Variants in SHANK2 observed in about 807,000 individuals in gnomAD.
SHANK2 encodes SH3 and multiple ankyrin repeat domains protein 2.
In SHANK2, 43 loss-of-function variants were observed where a neutral mutation model predicts 133.7. The ratio of observed to expected loss-of-function variants is 0.32; its 90% CI spans 0.25 to 0.41. SHANK2 has a LOEUF of 0.41. Among genes scored for constraint, SHANK2 ranks in the 10% least tolerant of loss-of-function variants. The pLI, the probability that SHANK2 is intolerant of heterozygous loss-of-function variation, is 1.00. For missense variants in SHANK2, 1,994 were observed against 2,235.8 expected (o/e 0.89, Z 2.18); for synonymous variants, 1,017 against 952.8 (o/e 1.07, Z -1.24).
chr11:70,784,343 G>GATTT (rs1947591983), intron 14 of SHANK2, among the ~76,000 whole-genome samples: 1 of 42,846 alleles, frequency 2.3e-5, no homozygotes, highest in Admixed American at 4.7e-4. Context: ...ACACCGGCTA[G>GATTT]TTTTTTTTTT....
intron 17 of SHANK2, among the ~76,000 whole-genome samples, chr11:70,531,513 C>T (rs1554973216): frequency 6.6e-6 from 1 of 152,200 alleles, no homozygotes; most frequent in African/African-American, 2.4e-5. Flanking sequence ...GAGGGTGAGG[C>T]CCCAGGGAGG....
chr11:70,875,267 C>T (rs144866804), intron 11 of SHANK2, among the ~76,000 whole-genome samples: 48 of 152,118 alleles, frequency 3.2e-4, no homozygotes, highest in African/African-American at 1.1e-3. Flanking sequence ...GGGCAGACAG[C>T]GTCACTCACT....
chr11:70,891,502 AAAAAAC>A (rs782070439), intron 11 of SHANK2, among the ~76,000 whole-genome samples: 7 of 152,124 alleles, frequency 4.6e-5, no homozygotes, highest in African/African-American at 7.2e-5. Context: ...ACTCTGTCTT[AAAAAAC>A]AAAAACAAAA....
At chr11:70,851,093 C>A (rs942917755) in intron 11 of SHANK2, among the ~76,000 whole-genome samples, 3 of 152,150 alleles carry the variant, frequency 2.0e-5, no homozygotes, top group Non-Finnish European at 4.4e-5. Flanking sequence ...GGTGAGAATT[C>A]CTGAATCCTC....
chr11:71,159,211 G>A (rs1177057333), intron 2 of SHANK2, among the ~76,000 whole-genome samples: 1 of 152,152 alleles, frequency 6.6e-6, no homozygotes, highest in African/African-American at 2.4e-5. Context: ...AAGATTCTGG[G>A]GAACAATCCA....
intron 17 of SHANK2, among the ~76,000 whole-genome samples, chr11:70,576,677 C>A (rs1431044454): frequency 1.3e-5 from 2 of 152,164 alleles, no homozygotes; most frequent in African/African-American, 4.8e-5. Flanking sequence ...CACTCCCAGG[C>A]CTAACTCTGC....
chr11:70,600,275 C>T (rs549056744), intron 17 of SHANK2, among the ~76,000 whole-genome samples: 14 of 151,446 alleles, frequency 9.2e-5, no homozygotes, highest in East Asian at 3.9e-4. Flanking sequence ...AAAAATTAGC[C>T]GGGCGCGGTG....
chr11:70,612,821 C>A (rs563062862), intron 17 of SHANK2, among the ~76,000 whole-genome samples: 1 of 152,152 alleles, frequency 6.6e-6, no homozygotes, highest in Non-Finnish European at 1.5e-5. Flanking sequence ...ACTTTCCATA[C>A]GCAATATCAG....
chr11:71,210,405 C>T (rs941122029), intron 2 of SHANK2, among the ~76,000 whole-genome samples: 4 of 150,760 alleles, frequency 2.7e-5, no homozygotes, highest in Non-Finnish European at 4.4e-5. Context: ...CCCACCACCA[C>T]GCCCGGCTAA....
At chr11:70,691,261 CGAG>C (rs1555020978) in intron 15 of SHANK2, among the ~76,000 whole-genome samples, 1 of 151,744 alleles carries the variant, frequency 6.6e-6, no homozygotes, top group Non-Finnish European at 1.5e-5. Flanking sequence ...AGCAGGAGGA[CGAG>C]GAGAAGACAG....
chr11:71,103,974 C>T (rs888707663), intron 6 of SHANK2, among the ~76,000 whole-genome samples: 11 of 151,544 alleles, frequency 7.3e-5, no homozygotes, highest in African/African-American at 2.7e-4. Context: ...ACCTGCTCTC[C>T]CTTTGCCTTC....
intron 15 of SHANK2, among the ~76,000 whole-genome samples, chr11:70,664,219 T>C (rs2134291561): frequency 6.6e-6 from 1 of 152,178 alleles, no homozygotes; most frequent in African/African-American, 2.4e-5. Flanking sequence ...CAGACTTGTG[T>C]CCCTCATGGG....
chr11:71,218,925 A>G (rs1954475105), intron 2 of SHANK2, among the ~76,000 whole-genome samples: 1 of 152,180 alleles, frequency 6.6e-6, no homozygotes. Flanking sequence ...AGTCCCAAGC[A>G]GCCTTCTCTG....
At chr11:71,220,824 G>A (rs1426836419) in intron 2 of SHANK2, among the ~76,000 whole-genome samples, 1 of 152,108 alleles carries the variant, frequency 6.6e-6, no homozygotes, top group African/African-American at 2.4e-5. Flanking sequence ...TTGGAAAGAC[G>A]AAAAAGTTCT....
At chr11:70,596,673 G>A (rs1554989647) in intron 17 of SHANK2, among the ~76,000 whole-genome samples, 1 of 152,222 alleles carries the variant, frequency 6.6e-6, no homozygotes, top group African/African-American at 2.4e-5. Context: ...CTTCCCTCAG[G>A]CCTTCCTTCC....
chr11:70,788,867 G>C (rs1947725617), intron 14 of SHANK2, among the ~76,000 whole-genome samples: 1 of 152,156 alleles, frequency 6.6e-6, no homozygotes, highest in Non-Finnish European at 1.5e-5. Flanking sequence ...ACTGCTCTCA[G>C]GTCGATTTCT....
chr11:70,722,150 G>A (rs1255522097), intron 14 of SHANK2, among the ~76,000 whole-genome samples: 2 of 152,332 alleles, frequency 1.3e-5, no homozygotes, highest in East Asian at 3.9e-4. Context: ...CTGTCTCTTG[G>A]TACTCAGCCC....
chr11:70,599,861 TAAAAAGAA>T (rs1330562025), intron 17 of SHANK2, among the ~76,000 whole-genome samples: 15 of 79,112 alleles, frequency 1.9e-4, no homozygotes, highest in East Asian at 3.2e-4. Flanking sequence ...AAGAAAGAAA[TAAAAAGAA>T]AGAAAGAAAG....
At chr11:70,792,290 AT>A (rs1947807308) in intron 14 of SHANK2, among the ~76,000 whole-genome samples, 1 of 128,468 alleles carries the variant, frequency 7.8e-6, no homozygotes, top group African/African-American at 2.8e-5. Flanking sequence ...CAGCCAAGCA[AT>A]CAATCAACCA....
Sources: allele counts gnomAD v4.1 joint callset (sites outside exome capture counted in the v4.1 genomes callset), GRCh38; gene constraint gnomAD v4.1.1; transcripts MANE v1.5; gene names NCBI Gene and HGNC (gene_info 2026-07-23, HGNC 2026-07-21).